Variants in BLTP1 observed in about 807,000 individuals in gnomAD.
BLTP1 encodes bridge-like lipid transfer protein family member 1, also known as fragile site-associated protein.
At chr4:122,217,664 G>C in the BLTP1 span, among the ~76,000 whole-genome samples, 1 of 152,086 alleles carries the variant, frequency 6.6e-6, no homozygotes, top group African/African-American at 2.4e-5. Flanking sequence ...CAGGGATATT[G>C]ATCTTTAGTT....
At chr4:122,216,085 GTCTATCTATCTATCTATCTATCTA>G in the BLTP1 span, among the ~76,000 whole-genome samples, 87 of 144,510 alleles carry the variant, frequency 6.0e-4, no homozygotes, top group African/African-American at 8.2e-4. Context: ...ATCTTTGTCT[GTCTATCTATCTATCTATCTATCTA>G]TCTATCTATC....
the BLTP1 span, chr4:122,339,139 T>C: frequency 6.7e-7 from 1 of 1,499,444 alleles, no homozygotes; most frequent in East Asian, 2.4e-5. Context: ...AACATTTCAA[T>C]ATTATTTCTA....
At chr4:122,217,928 T>C in the BLTP1 span, among the ~76,000 whole-genome samples, 2 of 152,310 alleles carry the variant, frequency 1.3e-5, no homozygotes, top group South Asian at 2.1e-4. Flanking sequence ...TGTTTCTTCC[T>C]GGTTTAATCT....
At chr4:122,295,673 A>G in the BLTP1 span, among the ~76,000 whole-genome samples, 2 of 152,176 alleles carry the variant, frequency 1.3e-5, no homozygotes, top group African/African-American at 2.4e-5. Flanking sequence ...TCCCTGTTCA[A>G]CATTGATGCA....
the BLTP1 span, among the ~76,000 whole-genome samples, chr4:122,296,553 A>G: frequency 3.3e-5 from 5 of 152,210 alleles, no homozygotes; most frequent in Non-Finnish European, 7.3e-5. Flanking sequence ...TCTTTACAAC[A>G]TTAGAAAAAA....
At chr4:122,181,753 A>T in the BLTP1 span, among the ~76,000 whole-genome samples, 1 of 151,874 alleles carries the variant, frequency 6.6e-6, no homozygotes, top group Admixed American at 6.6e-5. Flanking sequence ...ATTTGACATC[A>T]TGTCTTTACT....
At chr4:122,339,935 G>T in the BLTP1 span, among the ~76,000 whole-genome samples, 2 of 152,206 alleles carry the variant, frequency 1.3e-5, no homozygotes, top group East Asian at 3.9e-4. Context: ...AAATATAATT[G>T]ATTTCCTGAG....
chr4:122,188,084 G>T, the BLTP1 span: 1 of 1,478,140 alleles, frequency 6.8e-7, no homozygotes. Flanking sequence ...TCTTCAAAAT[G>T]ATGAGTAAGA....
the BLTP1 span, chr4:122,203,834 T>C: frequency 2.2e-5 from 12 of 541,132 alleles, no homozygotes; most frequent in Admixed American, 6.4e-5. Context: ...AGCTGCAACA[T>C]TTCACATGAG....
chr4:122,219,117 G>A, the BLTP1 span: 1 of 983,194 alleles, frequency 1.0e-6, no homozygotes, highest in Non-Finnish European at 1.2e-6. Flanking sequence ...CTATAAAATA[G>A]GCTCTGTAAC....
chr4:122,162,468 C>A, the BLTP1 span: 4 of 965,490 alleles, frequency 4.1e-6, no homozygotes, highest in South Asian at 1.9e-4. Context: ...GACCTGTGGG[C>A]AGGTTCACAG....
At chr4:122,272,791 A>G in the BLTP1 span, among the ~76,000 whole-genome samples, 6 of 152,066 alleles carry the variant, frequency 3.9e-5, no homozygotes, top group Non-Finnish European at 8.8e-5. Context: ...AAGTATCTCT[A>G]TAAAAAGAAG....
At chr4:122,197,580 A>G in the BLTP1 span, 7 of 388,892 alleles carry the variant, frequency 1.8e-5, no homozygotes, top group Non-Finnish European at 2.5e-5. Flanking sequence ...CTTTGAGAGC[A>G]GGTGCTGTTT....
the BLTP1 span, chr4:122,243,739 C>A: frequency 2.4e-6 from 3 of 1,270,644 alleles, no homozygotes; most frequent in Admixed American, 7.7e-5. Context: ...AAAGTCAAGT[C>A]CAATTCCATA....
chr4:122,189,873 T>C, the BLTP1 span: 2 of 1,374,466 alleles, frequency 1.5e-6, no homozygotes, highest in Non-Finnish European at 1.9e-6. Context: ...TTCAGGATGC[T>C]ACTTGTTATG....
At chr4:122,262,481 G>A in the BLTP1 span, among the ~76,000 whole-genome samples, 2 of 151,222 alleles carry the variant, frequency 1.3e-5, no homozygotes, top group African/African-American at 2.5e-5. Context: ...AGATTAAGAA[G>A]GGAATTAAAG....
the BLTP1 span, among the ~76,000 whole-genome samples, chr4:122,296,092 C>T: frequency 0.012 from 1,770 of 152,128 alleles, 21 homozygotes; most frequent in South Asian, 0.059. Context: ...CAGGGCAGTC[C>T]GGCAAGAGAA....
chr4:122,173,017 A>AT, the BLTP1 span: 4 of 1,611,928 alleles, frequency 2.5e-6, no homozygotes, highest in East Asian at 2.2e-5. Flanking sequence ...ATTATTTCTG[A>AT]TTTTTTTCCT....
At chr4:122,206,452 G>A in the BLTP1 span, among the ~76,000 whole-genome samples, 1 of 151,888 alleles carries the variant, frequency 6.6e-6, no homozygotes, top group Non-Finnish European at 1.5e-5. Flanking sequence ...TTCTCTTCGA[G>A]TGCAATTTAT....
Sources: gnomAD v4.1 joint callset for allele counts (sites outside exome capture counted in the v4.1 genomes callset) on GRCh38, gnomAD v4.1.1 for gene constraint, MANE v1.5 for transcripts, NCBI Gene and HGNC (gene_info 2026-07-23, HGNC 2026-07-21) for gene names.